CDK14: variants seen among roughly 807,000 people sequenced by gnomAD.
CDK14 encodes cyclin-dependent kinase 14.
In CDK14, 34 loss-of-function variants were observed where a neutral mutation model predicts 60.7. The observed-to-expected ratio is 0.56, with a 90% CI of 0.43 to 0.75. The LOEUF is 0.75. Ranked by LOEUF, CDK14 falls within the 30% of genes least tolerant of loss-of-function variation. The pLI is 0.00. For synonymous variants in CDK14, 197 were observed against 203.7 expected (o/e 0.97, Z 0.28); for missense variants, 482 against 564.1 (o/e 0.85, Z 1.47).
At chr7:90,992,834 T>G (rs999299405) in intron 10 of CDK14, among the ~76,000 whole-genome samples, 1 of 152,210 alleles carries the variant, frequency 6.6e-6, no homozygotes, top group Non-Finnish European at 1.5e-5. Flanking sequence ...TTGCTTTGTG[T>G]GGAACATTAA....
chr7:90,638,156 A>T (rs1409495657), intron 2 of CDK14, among the ~76,000 whole-genome samples: 1 of 152,002 alleles, frequency 6.6e-6, no homozygotes, highest in Non-Finnish European at 1.5e-5. Context: ...GTTATGTGTG[A>T]ATTTGATCCT....
rs199567152 is a variant in CDK14, at chr7:90,892,542, A to AT, written c.640-6744dup. ...ATGTTCTGTCTTTTAACAAGGGGTT[A>AT]TTTTTCTCTTGCTTTTTATATTGAT... On this transcript the variant is annotated intron_variant, in intron 6 of 14. Transcript: ENST00000380050. Among the ~76,000 whole-genome samples, 803 of 152,160 alleles carry AT rather than the reference A, an allele frequency of 5.3e-3. 7 individuals carry two copies. Among genetic ancestry groups the AT allele is most frequent in the African/African-American group, 0.018 (757 of 41,524 alleles).
chr7:90,762,631 C>T (rs763225068), intron 4 of CDK14, among the ~76,000 whole-genome samples: 11 of 152,082 alleles, frequency 7.2e-5, no homozygotes, highest in Non-Finnish European at 1.3e-4. Flanking sequence ...CCTTTAAATA[C>T]AAAGGTGCAG....
chr7:91,012,712 T>C (rs1328868096), intron 10 of CDK14, among the ~76,000 whole-genome samples: 1 of 152,220 alleles, frequency 6.6e-6, no homozygotes, highest in Non-Finnish European at 1.5e-5. Context: ...GTAAGTTCAA[T>C]GTCTCTTACT....
intron 2 of CDK14, among the ~76,000 whole-genome samples, chr7:90,650,350 G>A (rs1273042436): frequency 6.6e-6 from 1 of 150,758 alleles, no homozygotes; most frequent in African/African-American, 2.4e-5. Context: ...TGTAGATTCT[G>A]GATATTAGCC....
At chr7:91,083,733 G>A (rs1562897343) in intron 12 of CDK14, among the ~76,000 whole-genome samples, 1 of 152,138 alleles carries the variant, frequency 6.6e-6, no homozygotes, top group South Asian at 2.1e-4. Context: ...CCTAAAATAG[G>A]AGATGCTTTC....
At chr7:90,984,588 C>T (rs967716070) in intron 10 of CDK14, among the ~76,000 whole-genome samples, 1 of 152,184 alleles carries the variant, frequency 6.6e-6, no homozygotes, top group African/African-American at 2.4e-5. Context: ...CCCCGTCCCC[C>T]TTGACTGTGA....
At chr7:90,897,090 ATGT>A (rs1257350612) in intron 6 of CDK14, among the ~76,000 whole-genome samples, 7 of 152,042 alleles carry the variant, frequency 4.6e-5, no homozygotes, top group African/African-American at 1.7e-4. Context: ...TTCTTCTTTG[ATGT>A]TTGTCAATTT....
chr7:90,864,097 T>C (rs1467967929), intron 6 of CDK14, among the ~76,000 whole-genome samples: 1 of 152,066 alleles, frequency 6.6e-6, no homozygotes, highest in African/African-American at 2.4e-5. Flanking sequence ...ACACTACTTT[T>C]TAAAAAATTT....
chr7:90,629,737 C>T (rs1799952207), intron 2 of CDK14, among the ~76,000 whole-genome samples: 2 of 152,086 alleles, frequency 1.3e-5, no homozygotes, highest in African/African-American at 4.8e-5. Flanking sequence ...AAACCAAAAA[C>T]CTAACTTGGC....
At chr7:90,737,660 G>T (rs929149914) in intron 3 of CDK14, among the ~76,000 whole-genome samples, 1 of 152,170 alleles carries the variant, frequency 6.6e-6, no homozygotes, top group African/African-American at 2.4e-5. Context: ...CTGTAATAGG[G>T]CTATCAATGC....
chr7:91,141,797 G>T (rs972603863), intron 14 of CDK14, among the ~76,000 whole-genome samples: 3 of 111,396 alleles, frequency 2.7e-5, no homozygotes, highest in Non-Finnish European at 4.0e-5. Context: ...AAAACAGTGG[G>T]TTTTGTTGTT....
intron 7 of CDK14, among the ~76,000 whole-genome samples, chr7:90,912,823 G>A (rs1008434009): frequency 2.6e-5 from 4 of 152,158 alleles, no homozygotes; most frequent in East Asian, 3.9e-4. Flanking sequence ...TGTTGTCTAG[G>A]CTGGTCTTGA....
intron 2 of CDK14, among the ~76,000 whole-genome samples, chr7:90,645,070 G>T (rs930278962): frequency 1.3e-5 from 2 of 152,060 alleles, no homozygotes; most frequent in African/African-American, 4.8e-5. Context: ...ATTTCTGTAG[G>T]GCAGAAAGGA....
intron 2 of CDK14, among the ~76,000 whole-genome samples, chr7:90,607,157 A>G (rs1799435227): frequency 6.6e-6 from 1 of 152,348 alleles, no homozygotes; most frequent in Non-Finnish European, 1.5e-5. Flanking sequence ...AACTCTGCTT[A>G]TGTACATAGG....
intron 12 of CDK14, among the ~76,000 whole-genome samples, chr7:91,083,739 C>T (rs576430566): frequency 5.3e-5 from 8 of 152,278 alleles, no homozygotes; most frequent in Admixed American, 4.6e-4. Context: ...ATAGGAGATG[C>T]TTTCCAGGCC....
At chr7:90,725,553 A>G (rs958923748) in intron 2 of CDK14, among the ~76,000 whole-genome samples, 2 of 152,154 alleles carry the variant, frequency 1.3e-5, no homozygotes, top group African/African-American at 4.8e-5. Flanking sequence ...TGGGCTTTTC[A>G]TAAATATCTT....
At chr7:90,608,608 A>G in intron 2 of CDK14, 1 of 875,206 alleles carries the variant, frequency 1.1e-6, no homozygotes, top group Non-Finnish European at 1.4e-6. Context: ...CAATTAGAAT[A>G]AACCTTTGAA....
intron 4 of CDK14, among the ~76,000 whole-genome samples, chr7:90,782,497 C>G (rs917461180): frequency 6.6e-6 from 1 of 152,092 alleles, no homozygotes; most frequent in East Asian, 1.9e-4. Flanking sequence ...TTTACTAATG[C>G]ACAAGTTGTC....
Sources: gnomAD v4.1 joint callset for allele counts (sites outside exome capture counted in the v4.1 genomes callset) on GRCh38, gnomAD v4.1.1 for gene constraint, MANE v1.5 for transcripts, NCBI Gene and HGNC (gene_info 2026-07-23, HGNC 2026-07-21) for gene names.